Variants in DISP1 observed in about 807,000 individuals in gnomAD.
The protein encoded by DISP1 is protein dispatched homolog 1.
A neutral mutation model predicts 37.3 loss-of-function variants in DISP1; 30 were observed. The observed-to-expected ratio is 0.80, with a 90% CI of 0.60 to 1.09. The LOEUF (loss-of-function observed/expected upper bound fraction) is 1.09, where lower values mean the gene tolerates loss of function less well. Ranked by LOEUF, DISP1 falls within the 50% of genes least tolerant of loss-of-function variation. DISP1 has a pLI of 0.00. For missense variants in DISP1, 1,598 were observed against 1,879.5 expected (o/e 0.85, Z 2.77); for synonymous variants, 634 against 690.2 (o/e 0.92, Z 1.28).
intron 3 of DISP1, among the ~76,000 whole-genome samples, chr1:222,976,206 G>A (rs1677317402): frequency 6.6e-6 from 1 of 151,988 alleles, no homozygotes; most frequent in South Asian, 2.1e-4. Context: ...ATAAAAATTT[G>A]TTTATTTTTA....
intron 1 of DISP1, among the ~76,000 whole-genome samples, chr1:222,870,976 A>G (rs933887099): frequency 1.3e-5 from 2 of 152,190 alleles, no homozygotes; most frequent in African/African-American, 4.8e-5. Context: ...TGTAAAGTGT[A>G]AGGAAGGGAT....
chr1:222,985,863 T>C (rs1029726133), intron 4 of DISP1, among the ~76,000 whole-genome samples: 5 of 152,222 alleles, frequency 3.3e-5, no homozygotes, highest in Non-Finnish European at 7.3e-5. Flanking sequence ...AAGAGTTGTA[T>C]ATTCTTTTCT....
At chr1:222,899,021 A>G (rs1671437051) in intron 1 of DISP1, among the ~76,000 whole-genome samples, 1 of 152,192 alleles carries the variant, frequency 6.6e-6, no homozygotes, top group Non-Finnish European at 1.5e-5. Flanking sequence ...TAAATTATGA[A>G]TACCTTTTAA....
intron 3 of DISP1, among the ~76,000 whole-genome samples, chr1:222,980,308 G>A (rs1318427413): frequency 3.3e-5 from 5 of 152,150 alleles, no homozygotes; most frequent in Non-Finnish European, 7.3e-5. Context: ...TGAACAGAGA[G>A]CCTATACTGT....
chr1:222,900,488 TC>T (rs1449575716), intron 1 of DISP1, among the ~76,000 whole-genome samples: 1 of 152,212 alleles, frequency 6.6e-6, no homozygotes, highest in African/African-American at 2.4e-5. Flanking sequence ...TTGTGGATTT[TC>T]AGTGCTTCTG....
chr1:222,947,748 A>G (rs961538611), intron 3 of DISP1, among the ~76,000 whole-genome samples: 1 of 151,916 alleles, frequency 6.6e-6, no homozygotes, highest in Non-Finnish European at 1.5e-5. Context: ...ATCCTAATTG[A>G]TGTGAGATTA....
intron 1 of DISP1, among the ~76,000 whole-genome samples, chr1:222,868,747 A>G (rs865847486): frequency 4.6e-5 from 7 of 152,174 alleles, no homozygotes; most frequent in South Asian, 2.1e-4. Flanking sequence ...AAATTCTTCA[A>G]TAATAACATA....
chr1:222,950,972 T>C (rs74145598), intron 3 of DISP1, among the ~76,000 whole-genome samples: 2,829 of 152,336 alleles, frequency 0.019, 85 homozygotes, highest in African/African-American at 0.062. Context: ...CCATAAATGA[T>C]ACTTGGCAAT....
At chr1:222,860,837 C>T (rs9441937) in intron 1 of DISP1, among the ~76,000 whole-genome samples, 12,372 of 151,956 alleles carry the variant, frequency 0.081, 571 homozygotes, top group Non-Finnish European at 0.098. Flanking sequence ...CTCACCACTG[C>T]ACTCCAGCCT....
chr1:222,907,363 G>T (rs1227799382), intron 1 of DISP1, among the ~76,000 whole-genome samples: 1 of 152,196 alleles, frequency 6.6e-6, no homozygotes, highest in South Asian at 2.1e-4. Context: ...GATTCTCAAA[G>T]TGTGGTCCCA....
At chr1:222,871,334 A>T (rs1669560020) in intron 1 of DISP1, among the ~76,000 whole-genome samples, 1 of 152,128 alleles carries the variant, frequency 6.6e-6, no homozygotes. Context: ...GAAGAAAGTC[A>T]TTGGTAGCTT....
chr1:222,818,923 G>A (rs534680041), intron 1 of DISP1, among the ~76,000 whole-genome samples: 6 of 152,314 alleles, frequency 3.9e-5, no homozygotes, highest in South Asian at 4.1e-4. Flanking sequence ...AATATGTGGC[G>A]TGTAAAATGT....
Position 223,003,770 on chromosome 1 carries a change from G to A in DISP1, c.2373G>A (p.Trp791Ter). The A allele has an allele frequency of 1.2e-6, 2 of 1,614,114 alleles. No individual in the cohort carries two copies. The highest frequency in any genetic ancestry group is 1.7e-6 in the Non-Finnish European group (2 of 1,180,030). The change falls in exon 9 of 9, where the codon TGG becomes TGA. Residue 791 changes from tryptophan to a stop codon, truncating the protein, a stop_gained. Transcript: ENST00000675850. LOFTEE classifies it low-confidence loss of function (END_TRUNC). This position sits in a 1 kb window ranked among gnomAD's most constrained non-coding sequence, Gnocchi z 4.3. ...EELHMPITVI[W>*]GVSPEDNGNP... is the part of the protein sequence containing the mutation. ...TCCACATGCCCATCACAGTAATCTG[G>A]GGCGTGTCCCCAGAAGACAATGGCA...
Position 222,852,755 on chromosome 1 carries a change from C to T in DISP1, c.-159+37677C>T, listed in dbSNP as rs866883745. Among the ~76,000 whole-genome samples the T allele has an allele frequency of 2.6e-4, 39 of 152,148 alleles. 1 individual carries two copies. The highest frequency in any genetic ancestry group is 9.4e-4 in the African/African-American group (39 of 41,430). On this transcript the variant is annotated intron_variant, in intron 1 of 8. Transcript: ENST00000675850. ...GACCTTGGCTCTCCTGGGGAATAAT[C>T]AAACCAAATGAACAAACACAAACCT... is the stretch of plus-strand genomic sequence containing the variant.
intron 1 of DISP1, among the ~76,000 whole-genome samples, chr1:222,867,323 T>C (rs891842352): frequency 1.2e-4 from 19 of 152,236 alleles, no homozygotes; most frequent in Non-Finnish European, 2.6e-4. Flanking sequence ...ATGAGATTTT[T>C]AGACATGCTG....
intron 3 of DISP1, among the ~76,000 whole-genome samples, chr1:222,964,373 G>C (rs113054288): frequency 2.6e-5 from 4 of 151,900 alleles, no homozygotes; most frequent in African/African-American, 9.7e-5. Flanking sequence ...TGAAGTTTAA[G>C]TGTGTCTGAT....
At chr1:222,847,002 A>T (rs1269545930) in intron 1 of DISP1, among the ~76,000 whole-genome samples, 5 of 152,370 alleles carry the variant, frequency 3.3e-5, no homozygotes, top group East Asian at 1.9e-4. Context: ...TAATGCCACT[A>T]AATAGATTTC....
intron 3 of DISP1, among the ~76,000 whole-genome samples, chr1:222,951,754 G>A (rs1023795009): frequency 4.6e-5 from 7 of 152,192 alleles, no homozygotes; most frequent in African/African-American, 1.7e-4. Context: ...AAACTGCAAA[G>A]TCTGGTTCCT....
At chr1:222,947,663 G>A (rs75624744) in intron 3 of DISP1, among the ~76,000 whole-genome samples, 7,241 of 152,150 alleles carry the variant, frequency 0.048, 588 homozygotes, top group African/African-American at 0.17. Flanking sequence ...CACCAGCAGT[G>A]CAAAAAGTTC....
Sources: allele counts gnomAD v4.1 joint callset (sites outside exome capture counted in the v4.1 genomes callset), GRCh38; gene constraint gnomAD v4.1.1; non-coding constraint Gnocchi (gnomAD v3.1); transcripts MANE v1.5; gene names NCBI Gene and HGNC (gene_info 2026-07-23, HGNC 2026-07-21).